Variants in MAF observed in about 807,000 individuals in gnomAD.
The protein encoded by MAF is MAF bZIP transcription factor.
A neutral mutation model predicts 22.0 loss-of-function variants in MAF; 10 were observed. The observed-to-expected ratio is 0.45, with a 90% CI of 0.28 to 0.77. The LOEUF is 0.77. Ranked by LOEUF, MAF falls within the 30% of genes least tolerant of loss-of-function variation. MAF has a pLI of 0.12. For missense variants in MAF, 544 were observed against 548.4 expected, an observed-to-expected ratio of 0.99 and a Z score of 0.08; for synonymous variants, 337 against 255.8, an observed-to-expected ratio of 1.32 and a Z score of -3.03.
exon 2 of MAF, chr16:79,585,906 T>C: frequency 2.9e-6 from 2 of 685,408 alleles, no homozygotes; most frequent in Non-Finnish European, 5.2e-6. Flanking sequence ...AACTGGATTT[T>C]TTCACATCAC....
the MAF span, among the ~76,000 whole-genome samples, chr16:79,538,339 G>A: frequency 3.9e-5 from 6 of 152,170 alleles, no homozygotes; most frequent in Admixed American, 3.9e-4. Context: ...GACAAACACT[G>A]TTAGAAAACT....
chr16:79,375,530 G>A, the MAF span, among the ~76,000 whole-genome samples: 3 of 152,168 alleles, frequency 2.0e-5, no homozygotes. Flanking sequence ...TAATGATGAT[G>A]GTAATGATGA....
At chr16:79,285,873 G>C in the MAF span, among the ~76,000 whole-genome samples, 1 of 152,210 alleles carries the variant, frequency 6.6e-6, no homozygotes, top group African/African-American at 2.4e-5. Flanking sequence ...CTGTTCCTAA[G>C]GGCAGTGTGG....
the MAF span, among the ~76,000 whole-genome samples, chr16:79,293,837 A>AAGAGAGAGAGAGAGAG: frequency 2.0e-5 from 3 of 148,324 alleles, no homozygotes; most frequent in African/African-American, 7.5e-5. Context: ...TCTAAATGAA[A>AAGAGAGAGAGAGAGAG]AGAGAGAGAG....
At chr16:79,409,906 A>G in the MAF span, among the ~76,000 whole-genome samples, 1 of 152,198 alleles carries the variant, frequency 6.6e-6, no homozygotes, top group East Asian at 1.9e-4. Flanking sequence ...CCCCTAAACT[A>G]CAGTTATTGT....
the MAF span, among the ~76,000 whole-genome samples, chr16:79,572,078 G>C: frequency 6.6e-6 from 1 of 152,164 alleles, no homozygotes. Context: ...GGCTTAAGGG[G>C]ATTCCACCTC....
chr16:79,219,512 C>G, the MAF span, among the ~76,000 whole-genome samples: 2 of 142,548 alleles, frequency 1.4e-5, no homozygotes, highest in Non-Finnish European at 3.0e-5. Context: ...CATCGCGCCA[C>G]TGCACTCCAG....
the MAF span, among the ~76,000 whole-genome samples, chr16:79,360,966 C>A: frequency 6.6e-6 from 1 of 152,190 alleles, no homozygotes; most frequent in East Asian, 1.9e-4. Context: ...AGCATTTACA[C>A]CACAGAAATT....
the MAF span, among the ~76,000 whole-genome samples, chr16:79,297,525 G>A: frequency 2.0e-5 from 3 of 152,144 alleles, no homozygotes; most frequent in Non-Finnish European, 4.4e-5. Context: ...GCTTCTTTGG[G>A]CGAACTACTG....
the MAF span, among the ~76,000 whole-genome samples, chr16:79,385,050 T>G: frequency 6.6e-6 from 1 of 152,182 alleles, no homozygotes; most frequent in African/African-American, 2.4e-5. Flanking sequence ...GCTATAGCCA[T>G]AGGTTGGAGA....
At chr16:79,265,373 T>G in the MAF span, among the ~76,000 whole-genome samples, 3 of 152,162 alleles carry the variant, frequency 2.0e-5, no homozygotes, top group African/African-American at 7.2e-5. Flanking sequence ...TAGTTGGTTG[T>G]GGCAATGACT....
rs980506661 is a variant in MAF at position 79,595,725 on chromosome 16, T to C, written c.1119-1172A>G. On this transcript the variant is annotated intron_variant, in intron 1 of 1. Coordinates refer to ENST00000326043, the MANE Select transcript of MAF (RefSeq NM_005360.5). Reference sequence around the variant, plus strand: ...GCACAGCCTATATTCCACACAGGTATTATTTTTTGCTTTTATTTCTGGGGA... The same window carrying C: ...GCACAGCCTATATTCCACACAGGTACTATTTTTTGCTTTTATTTCTGGGGA... The C allele has an allele frequency of 2.8e-6, 3 of 1,057,178 alleles. No homozygotes were observed. The African/African-American group carries it at 4.9e-5, about 17-fold the overall frequency. 65.5% of individuals were successfully genotyped at this position (1,057,178 alleles called of 1,614,324 possible).
the MAF span, among the ~76,000 whole-genome samples, chr16:79,389,251 CTTTA>C: frequency 5.3e-5 from 8 of 152,068 alleles, no homozygotes; most frequent in Non-Finnish European, 8.8e-5. Flanking sequence ...GAAGATCGCT[CTTTA>C]TTTATTTATT....
At chr16:79,541,740 T>A in the MAF span, among the ~76,000 whole-genome samples, 15 of 142,566 alleles carry the variant, frequency 1.1e-4, no homozygotes, top group East Asian at 6.8e-4. Context: ...CACTGCAACC[T>A]CCACCTCCGG....
the MAF span, among the ~76,000 whole-genome samples, chr16:79,395,336 G>T: frequency 2.8e-3 from 420 of 152,294 alleles, no homozygotes; most frequent in African/African-American, 9.5e-3. Context: ...AGGGAGCATA[G>T]GTTTGCTAAG....
chr16:79,309,927 G>C, the MAF span, among the ~76,000 whole-genome samples: 3 of 152,156 alleles, frequency 2.0e-5, no homozygotes, highest in East Asian at 1.9e-4. Context: ...TTAGAAAATT[G>C]ACTAATGCAA....
At chr16:79,541,809 C>A in the MAF span, among the ~76,000 whole-genome samples, 2 of 151,940 alleles carry the variant, frequency 1.3e-5, no homozygotes, top group African/African-American at 2.4e-5. Flanking sequence ...GCAGGCACCA[C>A]CACGCCCAGC....
the MAF span, among the ~76,000 whole-genome samples, chr16:79,398,369 T>G: frequency 6.6e-6 from 1 of 152,212 alleles, no homozygotes; most frequent in South Asian, 2.1e-4. Context: ...AATTTTCCTG[T>G]GACATATTCA....
At chr16:79,307,873 C>T in the MAF span, among the ~76,000 whole-genome samples, 221 of 152,262 alleles carry the variant, frequency 1.5e-3, no homozygotes, top group African/African-American at 5.1e-3. Context: ...AAAGCTATTC[C>T]TAAAATCCCA....
Sources: gnomAD v4.1 joint callset for allele counts (sites outside exome capture counted in the v4.1 genomes callset) on GRCh38, gnomAD v4.1.1 for gene constraint, MANE v1.5 for transcripts, NCBI Gene and HGNC (gene_info 2026-07-23, HGNC 2026-07-21) for gene names.